NEK7: variants seen among roughly 807,000 people sequenced by gnomAD.
NEK7 encodes the protein serine/threonine-protein kinase Nek7.
Under a neutral mutation model 44.6 loss-of-function variants are expected in NEK7, and 18 were observed. The observed-to-expected ratio is 0.40, with a 90% CI of 0.28 to 0.60. The LOEUF is 0.60. Among genes scored for constraint, NEK7 ranks in the 20% least tolerant of loss-of-function variants. The pLI is 0.38. For synonymous variants in NEK7, 130 were observed against 121.1 expected (o/e 1.07, Z -0.48); for missense variants, 256 against 366.5 (o/e 0.70, Z 2.46).
chr1:198,314,854 T>C (rs372219019), intron 9 of NEK7, among the ~76,000 whole-genome samples: 50 of 152,324 alleles, frequency 3.3e-4, no homozygotes, highest in East Asian at 3.1e-3. Context: ...GACAGGGACA[T>C]TTAAGTCTTC....
intron 8 of NEK7, among the ~76,000 whole-genome samples, chr1:198,293,974 A>G (rs1176844342): frequency 6.6e-6 from 1 of 151,924 alleles, no homozygotes; most frequent in East Asian, 1.9e-4. Flanking sequence ...CCAGAATTAA[A>G]TGAAATATAT....
At chr1:198,276,151 G>A (rs1654011223) in intron 5 of NEK7, among the ~76,000 whole-genome samples, 1 of 151,546 alleles carries the variant, frequency 6.6e-6, no homozygotes, top group Non-Finnish European at 1.5e-5. Flanking sequence ...GTCCGGTAAC[G>A]TCTTCCCTAT....
intron 1 of NEK7, among the ~76,000 whole-genome samples, chr1:198,229,562 A>G (rs1303015575): frequency 6.6e-6 from 1 of 152,088 alleles, no homozygotes; most frequent in East Asian, 1.9e-4. Flanking sequence ...CCAGGAAGAT[A>G]GTGTTGGAAT....
At position 198,179,337 on chromosome 1, in the gene NEK7, A is replaced by T. The variant is rs555725546; in HGVS notation, c.-29+22061A>T. On this transcript the variant is annotated intron_variant, in intron 1 of 9. Transcript: ENST00000367385. The stretch of plus-strand genomic sequence containing the variant: ...AAAACATTTTTTAAAAATGTAGAAC[A>T]TGCATGGCTTTTCAAAACTTAAATA... 1.5e-4 allele frequency among the ~76,000 whole-genome samples: 23 copies of T among 152,216 alleles called. No individual in the cohort carries two copies. The East Asian group carries it at 4.4e-3, about 29-fold the overall frequency.
intron 1 of NEK7, among the ~76,000 whole-genome samples, chr1:198,216,055 A>G (rs1396523677): frequency 1.3e-5 from 2 of 152,114 alleles, no homozygotes; most frequent in Non-Finnish European, 2.9e-5. Flanking sequence ...GAACAAATGA[A>G]CCTGCACCGT....
At chr1:198,162,050 T>TTA (rs1447106793) in intron 1 of NEK7, among the ~76,000 whole-genome samples, 3 of 152,146 alleles carry the variant, frequency 2.0e-5, no homozygotes, top group African/African-American at 7.2e-5. Flanking sequence ...AGCCTGTGCT[T>TTA]TAGCAGAGGG....
intron 1 of NEK7, among the ~76,000 whole-genome samples, chr1:198,225,270 AT>A (rs1401446763): frequency 2.0e-5 from 3 of 150,224 alleles, no homozygotes; most frequent in Admixed American, 6.7e-5. Flanking sequence ...AAAAAAAAAA[AT>A]TCAGGTCTTG....
At chr1:198,211,260 A>C (rs1665761071) in intron 1 of NEK7, among the ~76,000 whole-genome samples, 1 of 152,246 alleles carries the variant, frequency 6.6e-6, no homozygotes, top group African/African-American at 2.4e-5. Context: ...ATACTTTAAA[A>C]AAGCTTTTAG....
Position 198,292,354 on chromosome 1 carries a change from A to G in NEK7, c.590-591A>G, listed in dbSNP as rs141748461. Reference sequence around the variant, plus strand: ...TAACAATAACTCAAGACATTTTTCCAGAGATGCCAGTGCCCTTTCACATTT... The same window carrying G: ...TAACAATAACTCAAGACATTTTTCCGGAGATGCCAGTGCCCTTTCACATTT... On this transcript the variant is annotated intron_variant, in intron 7 of 9. Coordinates refer to ENST00000367385, the MANE Select transcript of NEK7 (RefSeq NM_133494.3). Among the ~76,000 whole-genome samples the G allele has an allele frequency of 8.5e-4, 130 of 152,144 alleles. 3 individuals are homozygous for G. The East Asian group carries it at 0.023, about 27-fold the overall frequency.
chr1:198,211,593 A>G (rs1435886109), intron 1 of NEK7, among the ~76,000 whole-genome samples: 2 of 152,240 alleles, frequency 1.3e-5, no homozygotes, highest in African/African-American at 2.4e-5. Context: ...CAATTTTAGC[A>G]TAAGATTGAA....
At chr1:198,317,293 C>T (rs1371429067) in intron 9 of NEK7, among the ~76,000 whole-genome samples, 3 of 152,180 alleles carry the variant, frequency 2.0e-5, no homozygotes, top group Non-Finnish European at 4.4e-5. Context: ...CTCTGCCTGT[C>T]GCAAGGTCAC....
At chr1:198,307,179 T>G (rs562327741) in intron 9 of NEK7, among the ~76,000 whole-genome samples, 14 of 152,238 alleles carry the variant, frequency 9.2e-5, no homozygotes, top group African/African-American at 2.6e-4. Flanking sequence ...TAGTTTCTGC[T>G]TATAAGGGGG....
intron 1 of NEK7, among the ~76,000 whole-genome samples, chr1:198,164,942 A>G (rs541750159): frequency 6.6e-6 from 1 of 152,366 alleles, no homozygotes; most frequent in South Asian, 2.1e-4. Flanking sequence ...TTTATGGAAT[A>G]TTCTAAATCC....
At chr1:198,281,279 C>A (rs933152368) in intron 7 of NEK7, among the ~76,000 whole-genome samples, 2 of 151,954 alleles carry the variant, frequency 1.3e-5, no homozygotes, top group African/African-American at 4.8e-5. Context: ...TTTTTAAGAG[C>A]AAATTTAAGT....
chr1:198,319,229 G>C (rs550314263), intron 9 of NEK7, among the ~76,000 whole-genome samples, 183 bp from the exon 10 acceptor site: 15 of 152,230 alleles, frequency 9.9e-5, no homozygotes, highest in South Asian at 4.1e-4. Flanking sequence ...GCACTTCATA[G>C]AACATTTAAC....
At chr1:198,273,455 A>T (rs1365509375) in intron 5 of NEK7, among the ~76,000 whole-genome samples, 1 of 151,908 alleles carries the variant, frequency 6.6e-6, no homozygotes, top group East Asian at 1.9e-4. Flanking sequence ...TAAAAATCAC[A>T]CTTAGAACTG....
intron 9 of NEK7, among the ~76,000 whole-genome samples, chr1:198,317,133 T>C (rs866165752): frequency 1.2e-4 from 18 of 152,264 alleles, no homozygotes; most frequent in African/African-American, 2.7e-4. Context: ...AAAGTATGCA[T>C]ATTCTGTATT....
chr1:198,213,700 G>A (rs956567977), intron 1 of NEK7, among the ~76,000 whole-genome samples: 5 of 152,138 alleles, frequency 3.3e-5, no homozygotes, highest in Non-Finnish European at 7.4e-5. Context: ...TTTCCTGCTG[G>A]CCTGGAAGGA....
chr1:198,269,544 T>C (rs1021643039), intron 5 of NEK7, among the ~76,000 whole-genome samples: 4 of 152,158 alleles, frequency 2.6e-5, no homozygotes, highest in Non-Finnish European at 5.9e-5. Context: ...AATGCTTGAA[T>C]TGTAATGAAC....
Sources: gnomAD v4.1 joint callset for allele counts (sites outside exome capture counted in the v4.1 genomes callset) on GRCh38, gnomAD v4.1.1 for gene constraint, MANE v1.5 for transcripts, NCBI Gene and HGNC (gene_info 2026-07-23, HGNC 2026-07-21) for gene names.